Variants in OR5D16 observed in about 807,000 individuals in gnomAD.
OR5D16 encodes the protein olfactory receptor 5D16.
For missense variants in OR5D16, 477 were observed against 385.5 expected (o/e 1.24, Z -1.99); for synonymous variants, 185 against 153.2 (o/e 1.21, Z -1.53).
In OR5D16 at chr11:55,838,780, C is replaced by G. The variant is rs1339706425; in HGVS notation, c.29C>G (p.Ser10Cys). 5.6e-6 allele frequency: 9 copies of G among 1,612,202 alleles called. No homozygotes were observed. The highest frequency in any genetic ancestry group is 7.6e-6 in the Non-Finnish European group (9 of 1,179,250). The part of the protein sequence containing the change: MFLTERNTT[S>C]EATFTLLGFS... ...TTTCTGACAGAGAGAAATACGACAT[C>G]TGAGGCCACATTCACTCTCTTGGGC... The change falls in exon 1 of 1, where the codon TCT becomes TGT. Residue 10 changes from serine (S) to cysteine (C), a missense_variant. Coordinates refer to ENST00000378396, the MANE Select transcript of OR5D16 (RefSeq NM_001005496.1).
Position 55,839,732 on chromosome 11 carries a change from A to G in OR5D16, c.981A>G (p.Glu327=). Reference sequence around the variant, plus strand: ...GGTATCCATTTAATTTTGTTATTGAACAATAAATTTTTCCTGTTTTTTCAA... The same window carrying G: ...GGTATCCATTTAATTTTGTTATTGAGCAATAAATTTTTCCTGTTTTTTCAA... ...RHWYPFNFVI[E]Q Residue 327 remains glutamate, a synonymous_variant, in exon 1 of 1, where the codon GAA becomes GAG. Coordinates refer to ENST00000378396, the MANE Select transcript of OR5D16 (RefSeq NM_001005496.1). The G allele has an allele frequency of 1.9e-6, 3 of 1,561,622 alleles. No individual in the cohort carries two copies. The highest frequency in any genetic ancestry group is 1.7e-6 in the Non-Finnish European group (2 of 1,145,126).
In OR5D16 at chr11:55,838,934, G is replaced by A; in HGVS notation, c.183G>A (p.Met61Ile). The A allele has an allele frequency of 6.2e-6, 10 of 1,613,966 alleles. No individual in the cohort carries two copies. The highest frequency in any genetic ancestry group is 2.2e-5 in the East Asian group (1 of 44,868). The change falls in exon 1 of 1, where the codon ATG becomes ATA. Residue 61 changes from methionine to isoleucine, a missense_variant. By Grantham distance (10) the Met-to-Ile change is conservative. Coordinates refer to ENST00000378396, the MANE Select transcript of OR5D16 (RefSeq NM_001005496.1). ...IKINPKLHTP[M>I]YFFLNHLSFV... ...TTAACCCAAAATTGCATACCCCCAT[G>A]TATTTTTTCCTCAACCACCTCTCCT...
chr11:55,839,057 A>G lies in OR5D16; in HGVS notation c.306A>G (p.Gln102=). 6.2e-7 allele frequency: 1 copy of G among 1,613,960 alleles called. No individual in the cohort carries two copies. The highest frequency in any genetic ancestry group is 8.5e-7 in the Non-Finnish European group (1 of 1,179,954). ...RTISFSGCLV[Q]FFFFCTFVVT... ...TTTCATTCTCAGGATGTTTGGTGCA[A>G]TTCTTTTTCTTTTGCACCTTTGTAG... Residue 102 remains glutamine, a synonymous_variant, in exon 1 of 1, where the codon CAA becomes CAG. Coordinates refer to ENST00000378396, the MANE Select transcript of OR5D16 (RefSeq NM_001005496.1).
Position 55,839,533 on chromosome 11 carries a change from A to G in OR5D16, c.782A>G (p.Tyr261Cys), listed in dbSNP as rs369270620. The change falls in exon 1 of 1, where the codon TAC becomes TGC. Residue 261 changes from tyrosine (Y) to cysteine (C), a missense_variant. Transcript: ENST00000378396. ...TIFHGTILFL[Y>C]CVPNSKNSRH... ...TTCCATGGCACCATCCTCTTCCTCT[A>G]CTGTGTACCCAACTCCAAAAACTCC... The G allele has an allele frequency of 3.7e-6, 6 of 1,613,792 alleles. No individual in the cohort carries two copies. The African/African-American group carries it at 8.0e-5, about 22-fold the overall frequency.
chr11:55,839,331 T>C lies in OR5D16; in HGVS notation c.580T>C (p.Ser194Pro), dbSNP rs746894519. 4 of 1,613,814 alleles carry C rather than the reference T, an allele frequency of 2.5e-6. 1 individual carries two copies. The Admixed American group carries it at 6.7e-5, about 27-fold the overall frequency. ...SSLISLSYPD[S>P]YLSQLLLFTV... is the part of the protein sequence containing the mutation. ...CCTGATATCACTCTCTTACCCTGAC[T>C]CTTATCTCAGCCAGTTGCTTCTTTT... The change falls in exon 1 of 1, where the codon TCT becomes CCT. Residue 194 changes from serine to proline, a missense_variant. Ser to Pro is a moderately conservative substitution (Grantham distance 74, BLOSUM62 -1). Coordinates refer to ENST00000378396, the MANE Select transcript of OR5D16 (RefSeq NM_001005496.1).
Position 55,839,060 on chromosome 11 carries a change from CT to C in OR5D16, c.314del (p.Phe105SerfsTer6), listed in dbSNP as rs764115061. ...CATTCTCAGGATGTTTGGTGCAATT[CT>C]TTTTCTTTTGCACCTTTGTAGTGAC... Reference protein sequence around the residue: ...ISFSGCLVQFFFFCTFVVTEL... With the variant: ...ISFSGCLVQFXFFCTFVVTEL... On this transcript the variant is annotated frameshift_variant, in exon 1 of 1. Transcript: ENST00000378396. LOFTEE classifies it low-confidence loss of function (END_TRUNC). 39 of 1,613,780 alleles carry C rather than the reference CT, an allele frequency of 2.4e-5. No homozygotes were observed. Among genetic ancestry groups the C allele is most frequent in the Admixed American group, 3.3e-5 (2 of 59,964 alleles).
In OR5D16 at chr11:55,839,029, C is replaced by A; in HGVS notation, c.278C>A (p.Thr93Asn). 1.9e-6 allele frequency: 3 copies of A among 1,614,036 alleles called. No homozygotes were observed. Among genetic ancestry groups the A allele is most frequent in the Non-Finnish European group, 2.5e-6 (3 of 1,179,968 alleles). Residue 93 changes from threonine (T) to asparagine (N), a missense_variant, in exon 1 of 1, where the codon ACC (threonine) becomes AAC (asparagine). By Grantham distance (65) the Thr-to-Asn change is moderately conservative. Transcript: ENST00000378396. ...GTGAACCTGGTTGTAGAAGATAGAACCATTTCATTCTCAGGATGTTTGGTG... is the reference window on the plus strand; with the variant it reads ...GTGAACCTGGTTGTAGAAGATAGAAACATTTCATTCTCAGGATGTTTGGTG... ...MLVNLVVEDR[T>N]ISFSGCLVQF...
chr11:55,839,298 T>C lies in OR5D16; in HGVS notation c.547T>C (p.Leu183=), dbSNP rs750025837. 3 of 1,613,920 alleles carry C rather than the reference T, an allele frequency of 1.9e-6. No individual in the cohort carries two copies. The highest frequency in any genetic ancestry group is 2.5e-6 in the Non-Finnish European group (3 of 1,179,850). ...FNTINHFFCE[L]SSLISLSYPD... ...CACAATCAATCATTTCTTCTGTGAG[T>C]TATCCTCCCTGATATCACTCTCTTA... The change falls in exon 1 of 1, where the codon TTA becomes CTA. Residue 183 remains leucine (L), a synonymous_variant. Transcript: ENST00000378396.
Position 55,839,593 on chromosome 11 carries a change from C to T in OR5D16, c.842C>T (p.Thr281Ile), listed in dbSNP as rs1206879707. 1 of 1,613,978 alleles carries T rather than the reference C, an allele frequency of 6.2e-7. No homozygotes were observed. The highest frequency in any genetic ancestry group is 8.5e-7 in the Non-Finnish European group (1 of 1,179,938). The change falls in exon 1 of 1, where the codon ACC becomes ATC. Residue 281 changes from threonine to isoleucine, a missense_variant. Thr to Ile is a moderately conservative substitution (Grantham distance 89, BLOSUM62 -1). Coordinates refer to ENST00000378396, the MANE Select transcript of OR5D16 (RefSeq NM_001005496.1). ...HTVKVASVFYTVVIPLLNPLI... is the reference protein window; with the variant it reads ...HTVKVASVFYIVVIPLLNPLI... ...GTCAAAGTGGCCTCTGTGTTTTACA[C>T]CGTGGTGATCCCCTTGTTGAATCCC... is the stretch of plus-strand genomic sequence containing the variant.
At position 55,838,777 on chromosome 11, in the gene OR5D16, C is replaced by T. The variant is rs138660088; in HGVS notation, c.26C>T (p.Thr9Ile). MFLTERNTTSEATFTLLGF... is the reference protein window; with the variant it reads MFLTERNTISEATFTLLGF... ...ATGTTTCTGACAGAGAGAAATACGACATCTGAGGCCACATTCACTCTCTTG... is the reference window on the plus strand; with the variant it reads ...ATGTTTCTGACAGAGAGAAATACGATATCTGAGGCCACATTCACTCTCTTG... The change falls in exon 1 of 1, where the codon ACA (threonine) becomes ATA (isoleucine). Residue 9 changes from threonine (T) to isoleucine (I), a missense_variant. By Grantham distance (89) the Thr-to-Ile change is moderately conservative. Transcript: ENST00000378396. The T allele has an allele frequency of 2.5e-6, 4 of 1,610,756 alleles. No individual in the cohort carries two copies. The highest frequency in any genetic ancestry group is 4.5e-5 in the East Asian group (2 of 44,842).
rs1565126701 is a variant in OR5D16 at position 55,839,541 on chromosome 11, C to T, written c.790C>T (p.Pro264Ser). 3 of 1,614,066 alleles carry T rather than the reference C, an allele frequency of 1.9e-6. No individual in the cohort carries two copies. Among genetic ancestry groups the T allele is most frequent in the Non-Finnish European group, 2.5e-6 (3 of 1,179,978 alleles). ...HGTILFLYCVPNSKNSRHTVK... is the reference protein window; with the variant it reads ...HGTILFLYCVSNSKNSRHTVK... The stretch of plus-strand genomic sequence containing the variant: ...CACCATCCTCTTCCTCTACTGTGTA[C>T]CCAACTCCAAAAACTCCAGGCACAC... Residue 264 changes from proline (P) to serine (S), a missense_variant, in exon 1 of 1, where the codon CCC (proline) becomes TCC (serine). Pro to Ser is a moderately conservative substitution (Grantham distance 74, BLOSUM62 -1). Coordinates refer to ENST00000378396, the MANE Select transcript of OR5D16 (RefSeq NM_001005496.1).
chr11:55,839,728 T>C lies in OR5D16; in HGVS notation c.977T>C (p.Ile326Thr). ...HRHWYPFNFV[I>T]EQ The stretch of plus-strand genomic sequence containing the variant: ...CATTGGTATCCATTTAATTTTGTTA[T>C]TGAACAATAAATTTTTCCTGTTTTT... Residue 326 changes from isoleucine to threonine, a missense_variant, in exon 1 of 1, where the codon ATT (isoleucine) becomes ACT (threonine). Transcript: ENST00000378396. The C allele has an allele frequency of 6.4e-7, 1 of 1,568,780 alleles. No homozygotes were observed. Among genetic ancestry groups the C allele is most frequent in the Non-Finnish European group, 8.7e-7 (1 of 1,148,874 alleles).
At position 55,839,366 on chromosome 11, in the gene OR5D16, C is replaced by T. The variant is rs1854059395; in HGVS notation, c.615C>T (p.Ala205=). 6.2e-7 allele frequency: 1 copy of T among 1,614,026 alleles called. No homozygotes were observed. Among genetic ancestry groups the T allele is most frequent in the Non-Finnish European group, 8.5e-7 (1 of 1,179,952 alleles). Reference sequence around the variant, plus strand: ...GCCAGTTGCTTCTTTTCACTGTTGCCACTTTTAATGAGATAAGCACACTAC... The same window carrying T: ...GCCAGTTGCTTCTTTTCACTGTTGCTACTTTTAATGAGATAAGCACACTAC... ...YLSQLLLFTV[A]TFNEISTLLI... is the part of the protein sequence containing the mutation. The change falls in exon 1 of 1, where the codon GCC becomes GCT. Residue 205 remains alanine (A), a synonymous_variant. Transcript: ENST00000378396.
Position 55,839,473 on chromosome 11 carries a change from C to T in OR5D16, c.722C>T (p.Ser241Phe), listed in dbSNP as rs754347100. 2.5e-6 allele frequency: 4 copies of T among 1,614,040 alleles called. No homozygotes were observed. Among genetic ancestry groups the T allele is most frequent in the Non-Finnish European group, 3.4e-6 (4 of 1,179,972 alleles). The change falls in exon 1 of 1, where the codon TCC becomes TTC. Residue 241 changes from serine (S) to phenylalanine (F), a missense_variant. Ser to Phe is a radical substitution (Grantham distance 155). Transcript: ENST00000378396. Reference protein sequence around the residue: ...PSASGHRKVFSTCASHLTAIT... With the variant: ...PSASGHRKVFFTCASHLTAIT... ...GCCAGTGGGCACCGCAAAGTCTTCT[C>T]CACCTGTGCCTCCCACCTGACTGCC...
Position 55,839,213 on chromosome 11 carries a change from A to C in OR5D16, c.462A>C (p.Gly154=). Reference sequence around the variant, plus strand: ...TGGTGGTTGTATTGTATGCATGGGGAGTCGCATGTTCCCTGACACTCGCGT... The same window carrying C: ...TGGTGGTTGTATTGTATGCATGGGGCGTCGCATGTTCCCTGACACTCGCGT... The part of the protein sequence containing the change: ...AMLVVVLYAW[G]VACSLTLACS... Residue 154 remains glycine (G), a synonymous_variant, in exon 1 of 1, where the codon GGA becomes GGC. Transcript: ENST00000378396. The C allele has an allele frequency of 6.2e-7, 1 of 1,613,872 alleles. No homozygotes were observed. The highest frequency in any genetic ancestry group is 8.5e-7 in the Non-Finnish European group (1 of 1,179,920).
chr11:55,839,032 T>C lies in OR5D16; in HGVS notation c.281T>C (p.Ile94Thr). The stretch of plus-strand genomic sequence containing the variant: ...AACCTGGTTGTAGAAGATAGAACCA[T>C]TTCATTCTCAGGATGTTTGGTGCAA... ...LVNLVVEDRT[I>T]SFSGCLVQFF... The change falls in exon 1 of 1, where the codon ATT (isoleucine) becomes ACT (threonine). Residue 94 changes from isoleucine (I) to threonine (T), a missense_variant. By Grantham distance (89) the Ile-to-Thr change is moderately conservative. Transcript: ENST00000378396. The C allele has an allele frequency of 6.2e-7, 1 of 1,614,004 alleles. No homozygotes were observed. Among genetic ancestry groups the C allele is most frequent in the South Asian group, 1.1e-5 (1 of 91,078 alleles).
Position 55,839,635 on chromosome 11 carries a change from G to T in OR5D16, c.884G>T (p.Arg295Ile). Residue 295 changes from arginine (R) to isoleucine (I), a missense_variant, in exon 1 of 1, where the codon AGA (arginine) becomes ATA (isoleucine). Coordinates refer to ENST00000378396, the MANE Select transcript of OR5D16 (RefSeq NM_001005496.1). ...TTGAATCCCCTGATCTACAGTCTGA[G>T]AAATAAAGATGTTAAGGATGCAATC... ...PLLNPLIYSL[R>I]NKDVKDAIRK... The T allele has an allele frequency of 6.2e-7, 1 of 1,613,774 alleles. No homozygotes were observed. The highest frequency in any genetic ancestry group is 8.5e-7 in the Non-Finnish European group (1 of 1,179,836).
In OR5D16 at chr11:55,838,767, A is replaced by G. The variant is rs755221016; in HGVS notation, c.16A>G (p.Arg6Gly). 6.2e-7 allele frequency: 1 copy of G among 1,607,666 alleles called. No homozygotes were observed. Among genetic ancestry groups the G allele is most frequent in the Non-Finnish European group, 8.5e-7 (1 of 1,177,478 alleles). The part of the protein sequence containing the change: MFLTE[R>G]NTTSEATFTL... Reference sequence around the variant, plus strand: ...AAAGGAAAACATGTTTCTGACAGAGAGAAATACGACATCTGAGGCCACATT... The same window carrying G: ...AAAGGAAAACATGTTTCTGACAGAGGGAAATACGACATCTGAGGCCACATT... Residue 6 changes from arginine (R) to glycine (G), a missense_variant, in exon 1 of 1, where the codon AGA becomes GGA. By Grantham distance (125) the Arg-to-Gly change is moderately radical. Transcript: ENST00000378396.
In OR5D16 at chr11:55,839,001, C is replaced by G. The variant is rs542596526; in HGVS notation, c.250C>G (p.Leu84Val). Residue 84 changes from leucine (L) to valine (V), a missense_variant, in exon 1 of 1, where the codon CTG becomes GTG. By Grantham distance (32) the Leu-to-Val change is conservative. Coordinates refer to ENST00000378396, the MANE Select transcript of OR5D16 (RefSeq NM_001005496.1). Reference protein sequence around the residue: ...CYSSIIAPMMLVNLVVEDRTI... With the variant: ...CYSSIIAPMMVVNLVVEDRTI... The stretch of plus-strand genomic sequence containing the variant: ...TTCCTCCATCATTGCTCCCATGATG[C>G]TGGTGAACCTGGTTGTAGAAGATAG... The G allele has an allele frequency of 6.2e-7, 1 of 1,614,090 alleles. No homozygotes were observed. Among genetic ancestry groups the G allele is most frequent in the East Asian group, 2.2e-5 (1 of 44,868 alleles).
Sources: gnomAD v4.1 joint callset for allele counts on GRCh38, gnomAD v4.1.1 for gene constraint, MANE v1.5 for transcripts, NCBI Gene and HGNC (gene_info 2026-07-23, HGNC 2026-07-21) for gene names.